The following AKT3 variants were observed in gnomAD, a reference collection of about 807,000 sequenced individuals.
AKT3 encodes RAC-gamma serine/threonine-protein kinase.
AKT3 carries 15 observed loss-of-function variants against 65.3 expected under a neutral mutation model. That is an observed-to-expected ratio of 0.23 (90% CI 0.15 to 0.35). The LOEUF is 0.35. Ranked by LOEUF, AKT3 falls within the 10% of genes least tolerant of loss-of-function variation. The pLI, the probability that AKT3 is intolerant of heterozygous loss-of-function variation, is 1.00. For synonymous variants in AKT3, 206 were observed against 183.8 expected (o/e 1.12, Z -0.98); for missense variants, 243 against 576.5 (o/e 0.42, Z 5.92).
chr1:243,694,670 T>A (rs919959425), intron 3 of AKT3, among the ~76,000 whole-genome samples: 1 of 151,938 alleles, frequency 6.6e-6, no homozygotes, highest in Non-Finnish European at 1.5e-5. Flanking sequence ...AATTAAACAA[T>A]AGGAGTAAAA....
intron 4 of AKT3, among the ~76,000 whole-genome samples, chr1:243,650,138 T>A (rs545561864): frequency 6.6e-6 from 1 of 152,236 alleles, no homozygotes; most frequent in African/African-American, 2.4e-5. Flanking sequence ...TCATTGTGTT[T>A]TGATTTGCAT....
At chr1:243,612,096 G>A (rs1186510847) in intron 8 of AKT3, among the ~76,000 whole-genome samples, 1 of 151,810 alleles carries the variant, frequency 6.6e-6, no homozygotes, top group Non-Finnish European at 1.5e-5. Flanking sequence ...AATGAATTAA[G>A]TTTTGGGTTT....
At chr1:243,774,192 TATCA>T (rs1690392400) in intron 2 of AKT3, among the ~76,000 whole-genome samples, 1 of 152,062 alleles carries the variant, frequency 6.6e-6, no homozygotes, top group Non-Finnish European at 1.5e-5. Flanking sequence ...TAAACCAGTA[TATCA>T]ATTTAAGTTT....
chr1:243,594,040 C>A (rs1374138872), intron 8 of AKT3, among the ~76,000 whole-genome samples: 1 of 152,126 alleles, frequency 6.6e-6, no homozygotes, highest in African/African-American at 2.4e-5. Flanking sequence ...AGACTATCTA[C>A]ATAGACATTT....
chr1:243,834,464 T>C (rs1423426777), intron 2 of AKT3, among the ~76,000 whole-genome samples: 4 of 152,158 alleles, frequency 2.6e-5, no homozygotes, highest in African/African-American at 7.2e-5. Context: ...TGAGTACACA[T>C]GGACAATGTA....
In AKT3 at chr1:243,757,270, G is replaced by A. The variant is rs370233230; in HGVS notation, c.47-61554C>T. On this transcript the variant is annotated intron_variant, in intron 2 of 13. Coordinates refer to ENST00000673466, the MANE Select transcript of AKT3 (RefSeq NM_005465.7). ...AAGAGCATGTCAATGCTACAAAAATGCACCAAAGTAATCAACAGTAAAGGA... is the reference window on the plus strand; with the variant it reads ...AAGAGCATGTCAATGCTACAAAAATACACCAAAGTAATCAACAGTAAAGGA... Among the ~76,000 whole-genome samples, 23 of 152,272 alleles carry A rather than the reference G, an allele frequency of 1.5e-4. No homozygotes were observed. In the East Asian group the frequency reaches 4.2e-3, roughly 28 times the overall value.
chr1:243,799,315 C>T (rs926413365), intron 2 of AKT3, among the ~76,000 whole-genome samples: 10 of 152,074 alleles, frequency 6.6e-5, no homozygotes, highest in Admixed American at 5.9e-4. Flanking sequence ...GTTTGGTGAC[C>T]CTTACTGAAT....
At chr1:243,676,503 TTCTCA>T (rs1683523865) in intron 3 of AKT3, among the ~76,000 whole-genome samples, 1 of 152,158 alleles carries the variant, frequency 6.6e-6, no homozygotes, top group Non-Finnish European at 1.5e-5. Flanking sequence ...GTCACGGCCC[TTCTCA>T]TCAAGCTCCA....
intron 2 of AKT3, among the ~76,000 whole-genome samples, chr1:243,718,627 T>A (rs1262154617): frequency 7.7e-6 from 1 of 130,554 alleles, no homozygotes; most frequent in African/African-American, 2.5e-5. Flanking sequence ...CACGCCTGGA[T>A]AATTTTCTTT....
At chr1:243,663,329 T>C (rs1170872067) in intron 4 of AKT3, among the ~76,000 whole-genome samples, 1 of 152,058 alleles carries the variant, frequency 6.6e-6, no homozygotes, top group African/African-American at 2.4e-5. Context: ...AAAAGATACA[T>C]AGGAATTAGC....
intron 2 of AKT3, among the ~76,000 whole-genome samples, chr1:243,749,511 C>A (rs192596294): frequency 2.0e-5 from 3 of 152,218 alleles, no homozygotes; most frequent in East Asian, 1.9e-4. Flanking sequence ...CAGAATACCC[C>A]CTTTACTTAT....
intron 2 of AKT3, among the ~76,000 whole-genome samples, chr1:243,782,188 G>A (rs563378648): frequency 1.1e-4 from 17 of 152,252 alleles, no homozygotes; most frequent in African/African-American, 4.1e-4. Flanking sequence ...ACAAAAAGGG[G>A]AGACTTGCCT....
At chr1:243,766,205 G>T (rs887469735) in intron 2 of AKT3, among the ~76,000 whole-genome samples, 1 of 152,070 alleles carries the variant, frequency 6.6e-6, no homozygotes, top group African/African-American at 2.4e-5. Flanking sequence ...TAAATAATTT[G>T]TATTACATAT....
chr1:243,822,443 G>C (rs1156524709), intron 2 of AKT3, among the ~76,000 whole-genome samples: 1 of 147,284 alleles, frequency 6.8e-6, no homozygotes, highest in Admixed American at 6.7e-5. Context: ...AGAGCTGAAG[G>C]AGAGAGAGAC....
intron 12 of AKT3, among the ~76,000 whole-genome samples, chr1:243,538,603 C>T (rs1055156819): frequency 1.3e-5 from 2 of 151,922 alleles, no homozygotes; most frequent in African/African-American, 4.8e-5. Flanking sequence ...ATATATTACA[C>T]AAAAGCAAAA....
chr1:243,629,834 C>T (rs1375126505), intron 6 of AKT3, among the ~76,000 whole-genome samples: 2 of 152,126 alleles, frequency 1.3e-5, no homozygotes, highest in Non-Finnish European at 2.9e-5. Flanking sequence ...TGCAGCAATG[C>T]AGACAGAGAT....
At chr1:243,699,788 T>C (rs1685329851) in intron 2 of AKT3, among the ~76,000 whole-genome samples, 1 of 151,994 alleles carries the variant, frequency 6.6e-6, no homozygotes, top group Admixed American at 6.6e-5. Context: ...GAAGATGGAC[T>C]TTTCCCCTGG....
intron 3 of AKT3, among the ~76,000 whole-genome samples, chr1:243,688,506 ATT>A (rs913141670): frequency 5.9e-4 from 90 of 152,162 alleles, no homozygotes; most frequent in African/African-American, 2.1e-3. Context: ...TATTTTATGC[ATT>A]GTTTCCAAAT....
rs1669222756 is a variant in AKT3 at position 243,500,848 on chromosome 1, A to AACTT, written c.*4397_*4400dup. ...AAAAGGTTCAAGCCTGAAACAGTAG[A>AACTT]ACTTCTATTCAGATTCAGAAGTTTT... On this transcript the variant is annotated 3_prime_UTR_variant, in exon 14 of 14. Transcript: ENST00000673466. The AACTT allele has an allele frequency of 8.7e-6, 2 of 229,400 alleles. No individual in the cohort carries two copies. The highest frequency in any genetic ancestry group is 1.3e-4 in the East Asian group (2 of 16,000). The allele number at this position is 229,400 out of a possible 1,614,324, so 14.2% of individuals were successfully genotyped here.
Sources: allele counts gnomAD v4.1 joint callset (sites outside exome capture counted in the v4.1 genomes callset), GRCh38; gene constraint gnomAD v4.1.1; transcripts MANE v1.5; gene names NCBI Gene and HGNC (gene_info 2026-07-23, HGNC 2026-07-21).